NRXN3: variants seen among roughly 807,000 people sequenced by gnomAD.
NRXN3 encodes neurexin III.
In NRXN3, 32 loss-of-function variants were observed where a neutral mutation model predicts 137.6. The observed-to-expected ratio is 0.23, with a 90% CI of 0.18 to 0.31. The LOEUF is 0.31. Among genes scored for constraint, NRXN3 ranks in the 10% least tolerant of loss-of-function variants. NRXN3 has a pLI of 1.00. For missense variants in NRXN3, 1,574 were observed against 2,062.5 expected (o/e 0.76, Z 4.59); for synonymous variants, 798 against 784.5 (o/e 1.02, Z -0.29).
intron 2 of NRXN3, chr14:78,250,123 A>T (rs755100327): frequency 5.8e-6 from 3 of 515,938 alleles, no homozygotes; most frequent in South Asian, 4.3e-5. Context: ...AAGAGGTTAA[A>T]TAACTTGCCC....
chr14:79,820,827 T>TA lies in NRXN3; in HGVS notation c.4093+15640dup, dbSNP rs572162646. Among the ~76,000 whole-genome samples, 146 of 152,278 alleles carry TA rather than the reference T, an allele frequency of 9.6e-4. 2 individuals carry two copies. The highest frequency in any genetic ancestry group is 1.0e-3 in the South Asian group (5 of 4,830). ...AGAAGAAATATGAAAGACTCATATATAAACATGGGGCAAACCATGAAGCTA... is the reference window on the plus strand; with the variant it reads ...AGAAGAAATATGAAAGACTCATATATAAAACATGGGGCAAACCATGAAGCTA... On this transcript the variant is annotated intron_variant, in intron 20 of 20. Transcript: ENST00000335750.
chr14:78,310,013 T>C (rs1001269545), intron 4 of NRXN3, among the ~76,000 whole-genome samples: 2 of 152,116 alleles, frequency 1.3e-5, no homozygotes, highest in African/African-American at 2.4e-5. Flanking sequence ...AAGATACTAG[T>C]CTGGTTAAAA....
intron 10 of NRXN3, among the ~76,000 whole-genome samples, chr14:78,843,110 G>A (rs1469040376): frequency 6.6e-6 from 1 of 152,094 alleles, no homozygotes; most frequent in Non-Finnish European, 1.5e-5. Context: ...TATTGATTGG[G>A]GAAGTGATAA....
chr14:79,236,243 T>C (rs2073337027), intron 15 of NRXN3, among the ~76,000 whole-genome samples: 1 of 152,116 alleles, frequency 6.6e-6, no homozygotes, highest in Non-Finnish European at 1.5e-5. Context: ...TCTCACAAAC[T>C]TATACAAGAA....
In NRXN3 at chr14:79,800,782, C is replaced by A. The variant is rs58036501; in HGVS notation, c.4015-4330C>A. On this transcript the variant is annotated intron_variant, in intron 19 of 20. Coordinates refer to ENST00000335750, the MANE Select transcript of NRXN3 (RefSeq NM_001330195.2). ...GAAAAAGCCAAAACAACAACAACAA[C>A]AAAAAACTGCTAAAAGAAAGCCCTG... 3.1e-3 allele frequency among the ~76,000 whole-genome samples: 474 copies of A among 152,234 alleles called. 3 individuals carry two copies. Among genetic ancestry groups the A allele is most frequent in the African/African-American group, 0.01 (428 of 41,546 alleles).
At chr14:78,318,752 C>T (rs181589546) in intron 4 of NRXN3, among the ~76,000 whole-genome samples, 1 of 152,264 alleles carries the variant, frequency 6.6e-6, no homozygotes, top group East Asian at 1.9e-4. Context: ...GAATGAGTTC[C>T]CTAGGGTGCA....
intron 4 of NRXN3, among the ~76,000 whole-genome samples, chr14:78,635,632 G>A (rs1401810461): frequency 6.6e-6 from 1 of 152,042 alleles, no homozygotes; most frequent in Non-Finnish European, 1.5e-5. Flanking sequence ...TCCTTATGAA[G>A]TCCACAGAAT....
At chr14:78,219,638 A>G (rs1446457001) in intron 1 of NRXN3, among the ~76,000 whole-genome samples, 3 of 152,218 alleles carry the variant, frequency 2.0e-5, no homozygotes. Context: ...CAAGGATAAG[A>G]TGAGCACAGT....
At chr14:79,388,433 G>T (rs1671347838) in intron 15 of NRXN3, among the ~76,000 whole-genome samples, 1 of 151,266 alleles carries the variant, frequency 6.6e-6, no homozygotes, top group African/African-American at 2.4e-5. Context: ...TTGTGCGTAT[G>T]TCTTGCCCTG....
chr14:78,501,951 G>T (rs998646142), intron 4 of NRXN3, among the ~76,000 whole-genome samples: 5 of 152,100 alleles, frequency 3.3e-5, no homozygotes, highest in Admixed American at 3.3e-4. Context: ...CCCCCCCAGG[G>T]TCTGTTCTAC....
At chr14:79,280,226 G>A in intron 15 of NRXN3, 1 of 1,594,106 alleles carries the variant, frequency 6.3e-7, no homozygotes, top group Non-Finnish European at 8.5e-7. Context: ...TGGGCATCAT[G>A]AACTTCATTA....
At chr14:79,062,861 G>A (rs1416591918) in intron 15 of NRXN3, among the ~76,000 whole-genome samples, 3 of 152,146 alleles carry the variant, frequency 2.0e-5, no homozygotes, top group Non-Finnish European at 4.4e-5. Context: ...AAGTCTCTGG[G>A]TGTTGTGAAT....
chr14:78,685,583 T>C (rs986403503), intron 6 of NRXN3, among the ~76,000 whole-genome samples: 2 of 151,652 alleles, frequency 1.3e-5, no homozygotes, highest in African/African-American at 4.8e-5. Context: ...CTCAAATGTC[T>C]GTATGGCTTG....
chr14:79,449,081 G>A (rs2096120334), intron 15 of NRXN3, among the ~76,000 whole-genome samples: 1 of 152,138 alleles, frequency 6.6e-6, no homozygotes, highest in African/African-American at 2.4e-5. Flanking sequence ...GAGCCCTTTT[G>A]TTCTTGGGGG....
intron 16 of NRXN3, among the ~76,000 whole-genome samples, chr14:79,525,732 T>G (rs2153709482): frequency 6.6e-6 from 1 of 152,356 alleles, no homozygotes; most frequent in East Asian, 1.9e-4. Flanking sequence ...AACATTAAGT[T>G]TTATTGCCTT....
intron 10 of NRXN3, among the ~76,000 whole-genome samples, chr14:78,928,450 TTACTCCCACCCCAC>T (rs971336084): frequency 2.6e-5 from 4 of 152,064 alleles, no homozygotes; most frequent in Non-Finnish European, 5.9e-5. Context: ...TCCCTCCCCC[TTACTCCCACCCCAC>T]AACAGGCCCT....
At chr14:79,781,948 A>G (rs115944102) in intron 19 of NRXN3, among the ~76,000 whole-genome samples, 375 of 152,228 alleles carry the variant, frequency 2.5e-3, no homozygotes, top group African/African-American at 8.8e-3. Flanking sequence ...AAGCAGTACA[A>G]TTTCTCTTTT....
chr14:79,384,234 G>T (rs1262909519), intron 15 of NRXN3, among the ~76,000 whole-genome samples: 1 of 152,106 alleles, frequency 6.6e-6, no homozygotes, highest in Non-Finnish European at 1.5e-5. Context: ...TCTGTCCACT[G>T]TGTGGGTGTT....
chr14:79,180,394 CA>C (rs1299837012), intron 15 of NRXN3, among the ~76,000 whole-genome samples: 1 of 152,104 alleles, frequency 6.6e-6, no homozygotes, highest in Non-Finnish European at 1.5e-5. Context: ...CTTGGCCACA[CA>C]AAAACAAGTA....
Sources: allele counts gnomAD v4.1 joint callset (sites outside exome capture counted in the v4.1 genomes callset), GRCh38; gene constraint gnomAD v4.1.1; transcripts MANE v1.5; gene names NCBI Gene and HGNC (gene_info 2026-07-23, HGNC 2026-07-21).